Variants in CD8B observed in about 807,000 individuals in gnomAD.
CD8B encodes CD8 subunit beta.
CD8B carries 6 observed loss-of-function variants against 24.2 expected under a neutral mutation model. The observed-to-expected ratio is 0.25, with a 90% CI of 0.14 to 0.49. The LOEUF (loss-of-function observed/expected upper bound fraction) is 0.49, where lower values mean the gene tolerates loss of function less well. Ranked by LOEUF, CD8B falls within the 20% of genes least tolerant of loss-of-function variation. CD8B has a pLI of 0.98. For missense variants in CD8B, 196 were observed against 271.3 expected, an observed-to-expected ratio of 0.72 and a Z score of 1.95; for synonymous variants, 84 against 108.3, an observed-to-expected ratio of 0.78 and a Z score of 1.39.
intron 1 of CD8B, among the ~76,000 whole-genome samples, chr2:86,859,112 G>A (rs1676441645): frequency 6.6e-6 from 1 of 152,048 alleles, no homozygotes; most frequent in South Asian, 2.1e-4. Context: ...ACTGCCGAAG[G>A]AGACCCAGGA....
chr2:86,817,935 T>C (rs1383988563), intron 5 of CD8B, among the ~76,000 whole-genome samples: 3 of 152,134 alleles, frequency 2.0e-5, no homozygotes, highest in Admixed American at 2.0e-4. Context: ...ACTGGCTGGG[T>C]GCAGTGGCTT....
At chr2:86,819,780 G>T (rs1361578933) in intron 5 of CD8B, among the ~76,000 whole-genome samples, 1 of 152,142 alleles carries the variant, frequency 6.6e-6, no homozygotes, top group Non-Finnish European at 1.5e-5. Context: ...AATACATTTC[G>T]TAAGGCTAGA....
intron 1 of CD8B, among the ~76,000 whole-genome samples, chr2:86,860,317 A>G (rs1676509266): frequency 6.6e-6 from 1 of 152,208 alleles, no homozygotes; most frequent in Admixed American, 6.5e-5. Context: ...AAAAACAAGA[A>G]GGAAATGATG....
intron 3 of CD8B, among the ~76,000 whole-genome samples, chr2:86,850,503 T>G (rs887965496): frequency 6.6e-6 from 1 of 152,084 alleles, no homozygotes; most frequent in Non-Finnish European, 1.5e-5. Context: ...TAGCCCTGCA[T>G]CCCCCATTTT....
At chr2:86,859,939 G>A (rs553221496) in intron 1 of CD8B, among the ~76,000 whole-genome samples, 360 of 152,094 alleles carry the variant, frequency 2.4e-3, no homozygotes, top group African/African-American at 8.4e-3. Context: ...TTTTGACTTC[G>A]CTCCTGGACC....
intron 5 of CD8B, among the ~76,000 whole-genome samples, chr2:86,827,625 A>G (rs2104508761): frequency 6.6e-6 from 1 of 151,548 alleles, no homozygotes; most frequent in East Asian, 1.9e-4. Context: ...CTATCTCAAA[A>G]AAAAAAAAAA....
At chr2:86,833,477 CCCTCT>C (rs1159690975), downstream of CD8B, among the ~76,000 whole-genome samples, 2 of 146,796 alleles carry the variant, frequency 1.4e-5, no homozygotes, top group South Asian at 2.2e-4. Context: ...CCGCACCCGG[CCCTCT>C]CCTCTCCTCT....
intron 3 of CD8B, among the ~76,000 whole-genome samples, chr2:86,850,203 T>A (rs1310257705): frequency 6.6e-6 from 1 of 152,094 alleles, no homozygotes; most frequent in Non-Finnish European, 1.5e-5. Flanking sequence ...ATAACGTGCT[T>A]GGGTAAGGGG....
intron 3 of CD8B, among the ~76,000 whole-genome samples, chr2:86,849,560 GAAT>G: frequency 3.3e-5 from 5 of 152,100 alleles, no homozygotes; most frequent in African/African-American, 1.2e-4. Flanking sequence ...CAAGCACAGG[GAAT>G]CTTACTGGGG....
chr2:86,843,738 C>A, intron 5 of CD8B: 3 of 959,670 alleles, frequency 3.1e-6, no homozygotes, highest in Non-Finnish European at 3.7e-6. Context: ...CCTGGGGCCA[C>A]ATGCTTTAAG....
At chr2:86,859,270 C>G (rs1676450762) in intron 1 of CD8B, among the ~76,000 whole-genome samples, 1 of 152,012 alleles carries the variant, frequency 6.6e-6, no homozygotes, top group African/African-American at 2.4e-5. Flanking sequence ...AGTGGAAGGA[C>G]AGACACCACA....
Position 86,858,245 on chromosome 2 carries a change from A to G in CD8B, c.215T>C (p.Leu72Pro). Residue 72 changes from leucine to proline, a missense_variant, in exon 2 of 6, where the codon CTC (leucine) becomes CCC (proline). Transcript: ENST00000390655. ...SSDSHHEFLA[L>P]WDSAKGTIHG... ...GATAGTCCCTTTTGCGGAATCCCAG[A>G]GGGCCAGGAACTCGTGGTGACTGTC... The G allele has an allele frequency of 6.2e-7, 1 of 1,613,982 alleles. No homozygotes were observed. Among genetic ancestry groups the G allele is most frequent in the Non-Finnish European group, 8.5e-7 (1 of 1,179,866 alleles).
chr2:86,854,806 GAA>G lies in CD8B; in HGVS notation c.404-1722_404-1721del, dbSNP rs66503069. Among the ~76,000 whole-genome samples, 49 of 145,166 alleles carry G rather than the reference GAA, an allele frequency of 3.4e-4. 1 individual carries two copies. In the South Asian group the frequency reaches 4.3e-3, roughly 13 times the overall value. ...CCTAAACTCTAGAGTCAGGGGGACA[GAA>G]AAAAAAAAAAGAAAAGAAAAGAAAT... On this transcript the variant is annotated intron_variant, in intron 2 of 5. Coordinates refer to ENST00000390655, the MANE Select transcript of CD8B (RefSeq NM_004931.5).
rs544267897 is a variant in CD8B, at chr2:86,815,914, A to T, written c.621-196T>A. On this transcript the variant is annotated intron_variant, in intron 5 of 5. Coordinates refer to the CD8B transcript ENST00000331469. ...AGGATCCAACCACATTTGATTCAGG[A>T]TCTCAAAGCCAGAAACCTCTGTTTC... 3.9e-5 allele frequency among the ~76,000 whole-genome samples: 6 copies of T among 152,308 alleles called. No homozygotes were observed. In the South Asian group the frequency reaches 1.0e-3, roughly 26 times the overall value.
intron 3 of CD8B, among the ~76,000 whole-genome samples, chr2:86,851,297 G>T (rs1256839726): frequency 2.6e-5 from 4 of 152,088 alleles, no homozygotes; most frequent in Non-Finnish European, 5.9e-5. Flanking sequence ...TATCACTGGG[G>T]TTGGGGTGCC....
chr2:86,816,646 C>T (rs1211950062), intron 5 of CD8B, among the ~76,000 whole-genome samples: 2 of 152,212 alleles, frequency 1.3e-5, no homozygotes, highest in African/African-American at 4.8e-5. Flanking sequence ...ATCATTAGTG[C>T]TGTGACATTG....
chr2:86,821,087 G>A (rs1354382961), intron 5 of CD8B, among the ~76,000 whole-genome samples: 1 of 151,038 alleles, frequency 6.6e-6, no homozygotes, highest in African/African-American at 2.4e-5. Context: ...GGTGTAGCTG[G>A]CTTTGAATAT....
rs1030696104 is a variant in CD8B, at chr2:86,841,959, A to G, written c.*348T>C. 5.5e-5 allele frequency: 58 copies of G among 1,048,702 alleles called. No homozygotes were observed. The highest frequency in any genetic ancestry group is 6.7e-5 in the Non-Finnish European group (58 of 872,062). 65.0% of individuals were successfully genotyped at this position (1,048,702 alleles called of 1,614,324 possible). On this transcript the variant is annotated 3_prime_UTR_variant, in exon 6 of 6. Transcript: ENST00000390655. ...GTTACTGCCCTACCAGGGCAAAGCA[A>G]CCTGCAAAGATGGTGGCTAAATGGC...
At chr2:86,821,814 T>C (rs1674486873) in intron 5 of CD8B, 1 of 350,736 alleles carries the variant, frequency 2.9e-6, no homozygotes, top group East Asian at 9.4e-5. Context: ...AAAGGGAATG[T>C]TCCGAGCCCC....
Sources: allele counts gnomAD v4.1 joint callset (sites outside exome capture counted in the v4.1 genomes callset), GRCh38; gene constraint gnomAD v4.1.1; transcripts MANE v1.5; gene names NCBI Gene and HGNC (gene_info 2026-07-23, HGNC 2026-07-21).